Variants in SLC44A5 observed in about 807,000 individuals in gnomAD.
The protein encoded by SLC44A5 is solute carrier family 44 member 5.
In SLC44A5, 57 loss-of-function variants were observed where a neutral mutation model predicts 101.8. That is an observed-to-expected ratio of 0.56 (90% CI 0.45 to 0.70). The LOEUF (loss-of-function observed/expected upper bound fraction) is 0.70. Ranked by LOEUF, SLC44A5 falls within the 30% of genes least tolerant of loss-of-function variation. SLC44A5 has a pLI of 0.00. For missense variants in SLC44A5, 737 were observed against 853.1 expected, an observed-to-expected ratio of 0.86 and a Z score of 1.70; for synonymous variants, 281 against 290.9, an observed-to-expected ratio of 0.97 and a Z score of 0.35.
intron 5 of SLC44A5, among the ~76,000 whole-genome samples, chr1:75,283,354 T>C (rs1159834624): frequency 2.0e-5 from 3 of 152,164 alleles, no homozygotes; most frequent in Non-Finnish European, 2.9e-5. Context: ...TCTTTGGTGT[T>C]TTTCTTTCTG....
At chr1:75,502,563 T>C (rs1669021192) in intron 2 of SLC44A5, among the ~76,000 whole-genome samples, 1 of 152,104 alleles carries the variant, frequency 6.6e-6, no homozygotes, top group Non-Finnish European at 1.5e-5. Flanking sequence ...TTTATTTTTT[T>C]ATTATTATAC....
At chr1:75,214,941 C>CT (rs1183459800) in intron 19 of SLC44A5, among the ~76,000 whole-genome samples, 1 of 152,124 alleles carries the variant, frequency 6.6e-6, no homozygotes, top group East Asian at 1.9e-4. Context: ...AGAGGCAGCT[C>CT]TTTTTCCCAA....
intron 3 of SLC44A5, among the ~76,000 whole-genome samples, chr1:75,357,657 G>T (rs1192186861): frequency 6.6e-6 from 1 of 152,114 alleles, no homozygotes; most frequent in Non-Finnish European, 1.5e-5. Context: ...TTGAAAGAGG[G>T]TTAAGAAAAT....
chr1:75,520,632 G>A (rs1254241508), intron 2 of SLC44A5, among the ~76,000 whole-genome samples: 1 of 152,036 alleles, frequency 6.6e-6, no homozygotes, highest in African/African-American at 2.4e-5. Context: ...AATTTCAACT[G>A]GGAATGATAA....
At chr1:75,252,208 C>G (rs986508098) in intron 6 of SLC44A5, among the ~76,000 whole-genome samples, 1 of 152,166 alleles carries the variant, frequency 6.6e-6, no homozygotes. Flanking sequence ...TTCTGTAAAC[C>G]ATATCTTAAG....
the SLC44A5 span, among the ~76,000 whole-genome samples, chr1:75,647,830 T>A: frequency 6.6e-6 from 1 of 152,238 alleles, no homozygotes; most frequent in South Asian, 2.1e-4. Flanking sequence ...ACCTTGGAAG[T>A]AACTAACTCG....
intron 3 of SLC44A5, among the ~76,000 whole-genome samples, chr1:75,348,145 C>G (rs1570737925): frequency 6.6e-6 from 1 of 152,100 alleles, no homozygotes; most frequent in East Asian, 1.9e-4. Context: ...CTCTCTCTCT[C>G]TCTCCTCTCT....
chr1:75,652,896 A>C, the SLC44A5 span, among the ~76,000 whole-genome samples: 1 of 152,228 alleles, frequency 6.6e-6, no homozygotes, highest in African/African-American at 2.4e-5. Flanking sequence ...TAAGCATGCA[A>C]TATCCTGACT....
chr1:75,376,594 C>T lies in SLC44A5; in HGVS notation c.52+19989G>A, dbSNP rs376898746. On this transcript the variant is annotated intron_variant, in intron 3 of 23. Transcript: ENST00000370859. ...CACTGACACCTCACACGGCAGGGTA[C>T]TCCAACAGACCTGCAGCTGAGGGTC... is the stretch of plus-strand genomic sequence containing the variant. 9.2e-3 allele frequency among the ~76,000 whole-genome samples: 1,406 copies of T among 152,122 alleles called. 9 individuals carry two copies. Among genetic ancestry groups the T allele is most frequent in the African/African-American group, 0.024 (1,016 of 41,502 alleles).
At chr1:75,681,952 T>A in the SLC44A5 span, among the ~76,000 whole-genome samples, 2 of 152,192 alleles carry the variant, frequency 1.3e-5, no homozygotes, top group African/African-American at 4.8e-5. Flanking sequence ...CAAGCATTCC[T>A]ATACACCAAC....
the SLC44A5 span, among the ~76,000 whole-genome samples, chr1:75,634,672 T>C: frequency 6.6e-6 from 1 of 151,028 alleles, no homozygotes; most frequent in South Asian, 2.1e-4. Flanking sequence ...TCAAGATGGA[T>C]TAAAGACTTA....
At chr1:75,240,837 A>G (rs887418317) in intron 9 of SLC44A5, among the ~76,000 whole-genome samples, 3 of 152,202 alleles carry the variant, frequency 2.0e-5, no homozygotes, top group Admixed American at 1.3e-4. Flanking sequence ...AATTTCCCAC[A>G]GTTTTGCCAC....
the SLC44A5 span, among the ~76,000 whole-genome samples, chr1:75,643,480 G>A: frequency 6.6e-6 from 1 of 152,092 alleles, no homozygotes; most frequent in Non-Finnish European, 1.5e-5. Context: ...TTGTCCATTA[G>A]TTAACATGAT....
At chr1:75,651,541 C>CA in the SLC44A5 span, among the ~76,000 whole-genome samples, 4 of 151,584 alleles carry the variant, frequency 2.6e-5, no homozygotes, top group Non-Finnish European at 5.9e-5. Context: ...CTAAAAAATA[C>CA]AAAAAATTAG....
chr1:75,662,673 T>C, the SLC44A5 span, among the ~76,000 whole-genome samples: 6,636 of 102,520 alleles, frequency 0.065, 211 homozygotes, highest in Non-Finnish European at 0.094. Context: ...ATTAGATATA[T>C]GTATGTAATA....
intron 2 of SLC44A5, among the ~76,000 whole-genome samples, chr1:75,457,630 G>A (rs1178512216): frequency 1.3e-5 from 2 of 152,148 alleles, no homozygotes; most frequent in South Asian, 2.1e-4. Flanking sequence ...GGCCGAGGTG[G>A]GTGGATCACT....
At chr1:75,607,259 A>G (rs2102171690) in intron 1 of SLC44A5, among the ~76,000 whole-genome samples, 1 of 152,094 alleles carries the variant, frequency 6.6e-6, no homozygotes, top group East Asian at 1.9e-4. Flanking sequence ...GCATTAATCC[A>G]TCACTCCTTT....
At chr1:75,670,002 T>TA in the SLC44A5 span, among the ~76,000 whole-genome samples, 1 of 152,282 alleles carries the variant, frequency 6.6e-6, no homozygotes, top group Admixed American at 6.5e-5. Context: ...GGATAGCACT[T>TA]ACTATACAAA....
intron 2 of SLC44A5, among the ~76,000 whole-genome samples, chr1:75,473,344 G>C (rs935237116): frequency 1.3e-5 from 2 of 152,112 alleles, no homozygotes; most frequent in African/African-American, 4.8e-5. Context: ...TAGCTTACAA[G>C]ATGAAAATGT....
Sources: gnomAD v4.1 joint callset for allele counts (sites outside exome capture counted in the v4.1 genomes callset) on GRCh38, gnomAD v4.1.1 for gene constraint, MANE v1.5 for transcripts, NCBI Gene and HGNC (gene_info 2026-07-23, HGNC 2026-07-21) for gene names.